NQO1: variants seen among roughly 807,000 people sequenced by gnomAD.
NQO1 encodes the protein NAD(P)H dehydrogenase [quinone] 1.
In NQO1, 30 loss-of-function variants were observed where a neutral mutation model predicts 32.1. That is an observed-to-expected ratio of 0.94 (90% CI 0.70 to 1.27). The LOEUF is 1.27. NQO1 is among the 50% of genes most tolerant of loss of function. The pLI is 0.00. For missense variants in NQO1, 276 were observed against 331.3 expected (o/e 0.83, Z 1.30); for synonymous variants, 109 against 119.7 (o/e 0.91, Z 0.59).
At chr16:69,722,091 G>T (rs1482020045) in intron 1 of NQO1, among the ~76,000 whole-genome samples, 1 of 150,122 alleles carries the variant, frequency 6.7e-6, no homozygotes, top group Non-Finnish European at 1.5e-5. Flanking sequence ...GATAATGTGC[G>T]CTGCTACTTC....
intron 1 of NQO1, among the ~76,000 whole-genome samples, chr16:69,719,028 C>T (rs983547428): frequency 1.5e-5 from 1 of 66,612 alleles, no homozygotes; most frequent in Non-Finnish European, 3.4e-5. Flanking sequence ...ATGGGAGACT[C>T]CGTCTCAAAA....
chr16:69,726,326 G>C, intron 1 of NQO1, 107 bp downstream of exon 1: 2 of 1,487,642 alleles, frequency 1.3e-6, no homozygotes, highest in Non-Finnish European at 9.1e-7. Context: ...CCCTTTGTGG[G>C]TTTTGAGTCA....
intron 1 of NQO1, 97 bp downstream of exon 1, chr16:69,726,336 A>C (rs1352532539): frequency 1.3e-6 from 2 of 1,527,312 alleles, no homozygotes; most frequent in African/African-American, 2.8e-5. Flanking sequence ...GTTTTGAGTC[A>C]AGGAACAAAA....
rs45608334 is a variant in NQO1 at position 69,713,180 on chromosome 16, G to A, written c.418-51C>T. The A allele has an allele frequency of 3.2e-3, 4,314 of 1,328,672 alleles. 26 individuals are homozygous for A. The highest frequency in any genetic ancestry group is 6.2e-3 in the South Asian group (515 of 83,718). The allele number at this position is 1,328,672 out of a possible 1,614,324, so 82.3% of individuals were successfully genotyped here. A position where few individuals can be genotyped will look rare whatever the true frequency, so the allele number is the denominator to read the frequency against. ...CTTCACTTCCCTCCACATCCCCTTG[G>A]TGACAAGAAGTTAATGAAACAGCTC... is the stretch of plus-strand genomic sequence containing the variant. On this transcript the variant is annotated intron_variant, in intron 4 of 5. Coordinates refer to ENST00000320623, the MANE Select transcript of NQO1 (RefSeq NM_000903.3).
intron 5 of NQO1, among the ~76,000 whole-genome samples, chr16:69,712,418 G>A (rs1157114642): frequency 6.6e-6 from 1 of 152,162 alleles, no homozygotes; most frequent in Non-Finnish European, 1.5e-5. Flanking sequence ...CAGGAAGGCT[G>A]GAGAGAGATG....
intron 4 of NQO1, among the ~76,000 whole-genome samples, chr16:69,714,202 C>G (rs975369393): frequency 6.8e-6 from 1 of 148,102 alleles, no homozygotes; most frequent in African/African-American, 2.5e-5. Context: ...TGGAGTCTTG[C>G]TTTGTTGCCC....
chr16:69,714,340 T>C (rs2038083553), intron 4 of NQO1, among the ~76,000 whole-genome samples: 1 of 150,806 alleles, frequency 6.6e-6, no homozygotes, highest in Non-Finnish European at 1.5e-5. Flanking sequence ...CCAGCTAATT[T>C]TTGTATTTTT....
chr16:69,714,634 C>T (rs1252841770), intron 4 of NQO1, among the ~76,000 whole-genome samples: 3 of 150,966 alleles, frequency 2.0e-5, no homozygotes, highest in Non-Finnish European at 4.4e-5. Flanking sequence ...AATCACAGCA[C>T]TTTGGGAGGC....
intron 1 of NQO1, among the ~76,000 whole-genome samples, chr16:69,721,831 C>CAAAAAAAAAAA (rs11325347): frequency 2.1e-5 from 2 of 97,136 alleles, no homozygotes; most frequent in African/African-American, 4.0e-5. Flanking sequence ...CCGTTTCTAC[C>CAAAAAAAAAAA]AAAAAAAAAA....
At chr16:69,720,924 A>G (rs2151746394) in intron 1 of NQO1, among the ~76,000 whole-genome samples, 1 of 152,094 alleles carries the variant, frequency 6.6e-6, no homozygotes, top group South Asian at 2.1e-4. Context: ...TCTGTTGCCC[A>G]GGCTGGAATG....
chr16:69,724,399 G>T (rs1473133744), intron 1 of NQO1, among the ~76,000 whole-genome samples: 1 of 151,894 alleles, frequency 6.6e-6, no homozygotes, highest in Non-Finnish European at 1.5e-5. Flanking sequence ...CATTTGAGCT[G>T]AATCTTGGTC....
intron 1 of NQO1, among the ~76,000 whole-genome samples, chr16:69,719,730 G>A (rs1010319925): frequency 1.1e-4 from 17 of 152,014 alleles, no homozygotes; most frequent in African/African-American, 4.1e-4. Context: ...CTGAGATCTT[G>A]CCACTGCACT....
Position 69,711,143 on chromosome 16 carries a change from G to A in NQO1, c.658C>T (p.Pro220Ser), listed in dbSNP as rs532358159. The A allele has an allele frequency of 9.9e-6, 16 of 1,614,154 alleles. 1 individual carries two copies. In the South Asian group the frequency reaches 1.4e-4, roughly 14 times the overall value. The change falls in exon 6 of 6, where the codon CCA (proline) becomes TCA (serine). Residue 220 changes from proline to serine, a missense_variant. Pro to Ser is a moderately conservative substitution (Grantham distance 74). Transcript: ENST00000320623. ...KRLENIWDETPLYFAPSSLFD... is the reference protein window; with the variant it reads ...KRLENIWDETSLYFAPSSLFD... Reference sequence around the variant, plus strand: ...AGGCTGCTTGGAGCAAAATACAGTGGTGTCTCATCCCAAATATTCTCCAGG... The same window carrying A: ...AGGCTGCTTGGAGCAAAATACAGTGATGTCTCATCCCAAATATTCTCCAGG...
Position 69,726,425 on chromosome 16 carries a change from G to A in NQO1, c.7+8C>T. The A allele has an allele frequency of 6.2e-7, 1 of 1,612,014 alleles. No homozygotes were observed. Among genetic ancestry groups the A allele is most frequent in the Non-Finnish European group, 8.5e-7 (1 of 1,179,504 alleles). On this transcript the variant is annotated splice_region_variant and intron_variant, in intron 1 of 5. Transcript: ENST00000320623. ...ACCGCCAAGCACCCCGCCCTTTGCA[G>A]CACTCACCGACCATGGCTCTGGTGC...
intron 4 of NQO1, among the ~76,000 whole-genome samples, chr16:69,713,529 TCC>T (rs1464688500): frequency 1.3e-5 from 2 of 152,096 alleles, no homozygotes; most frequent in Non-Finnish European, 2.9e-5. Flanking sequence ...GATTTGGGCC[TCC>T]AAAAAATGAA....
In NQO1 at chr16:69,711,049, T is replaced by A; in HGVS notation, c.752A>T (p.Lys251Ile). 6.2e-7 allele frequency: 1 copy of A among 1,614,194 alleles called. No individual in the cohort carries two copies. The highest frequency in any genetic ancestry group is 8.5e-7 in the Non-Finnish European group (1 of 1,180,030). Residue 251 changes from lysine (K) to isoleucine (I), a missense_variant, in exon 6 of 6, where the codon AAA (lysine) becomes ATA (isoleucine). Physicochemically the swap from Lys to Ile is moderately radical, Grantham distance 102 (BLOSUM62 -3). Coordinates refer to ENST00000320623, the MANE Select transcript of NQO1 (RefSeq NM_000903.3). ...KEVQDEEKNKKFGLSVGHHLG... is the reference protein window; with the variant it reads ...KEVQDEEKNKIFGLSVGHHLG... ...GTGATGGCCCACAGAAAGGCCAAATTTCTTGTTTTTCTCCTCATCCTGTAC... is the reference window on the plus strand; with the variant it reads ...GTGATGGCCCACAGAAAGGCCAAATATCTTGTTTTTCTCCTCATCCTGTAC...
At chr16:69,719,340 C>T (rs1305287205) in intron 1 of NQO1, among the ~76,000 whole-genome samples, 1 of 152,170 alleles carries the variant, frequency 6.6e-6, no homozygotes, top group African/African-American at 2.4e-5. Flanking sequence ...GTTCTACAGA[C>T]TAAAAGCTTC....
chr16:69,718,333 A>C, intron 2 of NQO1, 37 bp downstream of exon 2: 2 of 1,613,706 alleles, frequency 1.2e-6, no homozygotes, highest in Non-Finnish European at 1.7e-6. Context: ...AGATCCGCAA[A>C]GAACTAATTA....
At position 69,726,417 on chromosome 16, in the gene NQO1, C is replaced by A; in HGVS notation, c.7+16G>T. On this transcript the variant is annotated intron_variant, in intron 1 of 5. Transcript: ENST00000320623. ...GAGAGACGACCGCCAAGCACCCCGC[C>A]CTTTGCAGCACTCACCGACCATGGC... The A allele has an allele frequency of 3.7e-6, 6 of 1,612,022 alleles. No homozygotes were observed. Among genetic ancestry groups the A allele is most frequent in the Non-Finnish European group, 5.1e-6 (6 of 1,179,308 alleles).
Sources: gnomAD v4.1 joint callset for allele counts (sites outside exome capture counted in the v4.1 genomes callset) on GRCh38, gnomAD v4.1.1 for gene constraint, MANE v1.5 for transcripts, NCBI Gene and HGNC (gene_info 2026-07-23, HGNC 2026-07-21) for gene names.